The following SYNE2 variants were observed in gnomAD, a reference collection of about 807,000 sequenced individuals.
SYNE2 encodes the protein nesprin-2.
A neutral mutation model predicts 856.3 loss-of-function variants in SYNE2; 431 were observed. That is an observed-to-expected ratio of 0.50 (90% CI 0.47 to 0.55). The LOEUF is 0.55. Ranked by LOEUF, SYNE2 falls within the 20% of genes least tolerant of loss-of-function variation. The pLI, the probability that SYNE2 is intolerant of heterozygous loss-of-function variation, is 0.00. For synonymous variants in SYNE2, 2,923 were observed against 2,872.3 expected, an observed-to-expected ratio of 1.02 and a Z score of -0.56; for missense variants, 8,129 against 8,023.2, an observed-to-expected ratio of 1.01 and a Z score of -0.50.
rs149393421 is a variant in SYNE2 at position 64,053,940 on chromosome 14, G to A, written c.9744+283G>A. Among the ~76,000 whole-genome samples the A allele has an allele frequency of 5.5e-3, 835 of 152,290 alleles. 8 individuals carry two copies. The highest frequency in any genetic ancestry group is 0.019 in the African/African-American group (796 of 41,556). On this transcript the variant is annotated intron_variant, in intron 48 of 115. Coordinates refer to ENST00000555002, the MANE Select transcript of SYNE2 (RefSeq NM_182914.3). ...GTCAACATCCCGGCACTGCTCTCCA[G>A]CCTGGGTGACCAAGTGAGACTCTGT...
intron 2 of SYNE2, among the ~76,000 whole-genome samples, chr14:63,923,384 T>C (rs914083040): frequency 1.3e-5 from 2 of 152,218 alleles, no homozygotes; most frequent in African/African-American, 4.8e-5. Context: ...ATGCTGAGGC[T>C]CAAAGTAGAA....
chr14:64,111,598 A>G (rs1446409489), intron 65 of SYNE2, among the ~76,000 whole-genome samples: 5 of 152,158 alleles, frequency 3.3e-5, no homozygotes, highest in Admixed American at 3.3e-4. Flanking sequence ...CAGGAGTTCA[A>G]GACCAGCCTG....
At chr14:64,023,935 C>A (rs897888191) in intron 38 of SYNE2, 3 of 302,106 alleles carry the variant, frequency 9.9e-6, no homozygotes, top group Non-Finnish European at 1.9e-5. Flanking sequence ...AGATAAAATT[C>A]TTATTTGGGC....
intron 1 of SYNE2, among the ~76,000 whole-genome samples, chr14:63,781,001 G>A (rs1205699806): frequency 6.6e-6 from 1 of 152,118 alleles, no homozygotes. Flanking sequence ...TGGACACCAG[G>A]CACGGTGGCT....
At chr14:64,105,511 TC>T (rs1328787214) in intron 64 of SYNE2, among the ~76,000 whole-genome samples, 14 of 152,178 alleles carry the variant, frequency 9.2e-5, no homozygotes. Context: ...TAGGTTTTAT[TC>T]CCATTTTAAA....
At chr14:64,172,186 T>C (rs1015657712) in intron 94 of SYNE2, among the ~76,000 whole-genome samples, 2 of 152,154 alleles carry the variant, frequency 1.3e-5, no homozygotes, top group African/African-American at 4.8e-5. Context: ...CTGTTCCTGA[T>C]TGTAGGGGAG....
At position 64,113,427 on chromosome 14, in the gene SYNE2, G is replaced by A. The variant is rs568251040; in HGVS notation, c.12696G>A (p.Pro4232=). Residue 4232 remains proline (P), a synonymous_variant, in exon 66 of 116, where the codon CCG becomes CCA. Coordinates refer to ENST00000555002, the MANE Select transcript of SYNE2 (RefSeq NM_182914.3). Reference sequence around the variant, plus strand: ...AGCCCAGGGTGGAGAAAACTAGGCCGGAGCCCACAGAAGTCCTGCATGCCT... The same window carrying A: ...AGCCCAGGGTGGAGAAAACTAGGCCAGAGCCCACAGAAGTCCTGCATGCCT... ...GLEPRVEKTR[P]EPTEVLHACK... is the part of the protein sequence containing the mutation. 64 of 1,614,178 alleles carry A rather than the reference G, an allele frequency of 4.0e-5. No individual in the cohort carries two copies. In the South Asian group the frequency reaches 4.7e-4, roughly 12 times the overall value.
At chr14:63,975,586 G>A (rs1180246921) in intron 11 of SYNE2, among the ~76,000 whole-genome samples, 1 of 152,120 alleles carries the variant, frequency 6.6e-6, no homozygotes, top group African/African-American at 2.4e-5. Context: ...CGCCTGCCTT[G>A]GCTTCTTGAG....
intron 1 of SYNE2, among the ~76,000 whole-genome samples, chr14:63,859,601 G>A (rs1036401572): frequency 3.3e-5 from 5 of 152,172 alleles, no homozygotes; most frequent in South Asian, 4.1e-4. Context: ...GGCGGATCAC[G>A]AGGTCAAGAG....
In SYNE2 at chr14:64,122,302, C is replaced by T; in HGVS notation, c.13297C>T (p.Pro4433Ser). 1 of 1,614,142 alleles carries T rather than the reference C, an allele frequency of 6.2e-7. No individual in the cohort carries two copies. The highest frequency in any genetic ancestry group is 8.5e-7 in the Non-Finnish European group (1 of 1,180,020). The change falls in exon 70 of 116, where the codon CCT (proline) becomes TCT (serine). Residue 4433 changes from proline (P) to serine (S), a missense_variant. Physicochemically the swap from Pro to Ser is moderately conservative, Grantham distance 74. Coordinates refer to ENST00000555002, the MANE Select transcript of SYNE2 (RefSeq NM_182914.3). The stretch of plus-strand genomic sequence containing the variant: ...CTTCAAAAGCAACCAGGCATCCAGC[C>T]CTGAAAATGACGTTCCAGACTCGAT... ...ESSASNQASS[P>S]ENDVPDSILS... is the part of the protein sequence containing the mutation.
intron 78 of SYNE2, among the ~76,000 whole-genome samples, chr14:64,135,532 T>C (rs1332480260): frequency 6.6e-6 from 1 of 152,140 alleles, no homozygotes; most frequent in Non-Finnish European, 1.5e-5. Context: ...TTTAGCTCTT[T>C]GTTAGTCTAG....
intron 79 of SYNE2, among the ~76,000 whole-genome samples, chr14:64,138,912 T>TG (rs2098117171): frequency 2.1e-5 from 3 of 144,232 alleles, no homozygotes; most frequent in African/African-American, 5.3e-5. Flanking sequence ...CAAATGCTGG[T>TG]TGTGTGTGTG....
At chr14:63,911,433 C>T (rs187468985) in intron 2 of SYNE2, among the ~76,000 whole-genome samples, 28 of 152,256 alleles carry the variant, frequency 1.8e-4, no homozygotes, top group African/African-American at 5.8e-4. Flanking sequence ...CAGCAGGGGA[C>T]ATTTTGACTT....
chr14:64,123,907 T>A (rs1367989941), intron 70 of SYNE2, among the ~76,000 whole-genome samples: 2 of 150,940 alleles, frequency 1.3e-5, no homozygotes, highest in African/African-American at 4.9e-5. Flanking sequence ...TTTTTTTTTT[T>A]AAGAGACAGG....
chr14:64,022,694 TAA>T, intron 37 of SYNE2, 55 bp from the exon 38 acceptor site: 3 of 897,008 alleles, frequency 3.3e-6, no homozygotes, highest in Non-Finnish European at 5.5e-6. Flanking sequence ...TCTCTCACTT[TAA>T]CAAGATGTAT....
chr14:63,909,471 G>A (rs1340966846), intron 2 of SYNE2, among the ~76,000 whole-genome samples: 1 of 152,046 alleles, frequency 6.6e-6, no homozygotes, highest in East Asian at 1.9e-4. Context: ...CATTTTATTT[G>A]CAGTGAAAAT....
rs184241655 is a variant in SYNE2 at position 64,158,654 on chromosome 14, A to T, written c.15822A>T (p.Ser5274=). ...QVNQLKTSMQ[S]VLQEWKIYDQ... ...ATCAGCTCAAAACCTCCATGCAGTC[A>T]GTTTTACAGGAGTGGAAGATTTATG... Residue 5274 remains serine (S), a synonymous_variant, in exon 86 of 116, where the codon TCA becomes TCT. Transcript: ENST00000555002. 169 of 1,614,018 alleles carry T rather than the reference A, an allele frequency of 1.0e-4. No individual in the cohort carries two copies. In the Admixed American group the frequency reaches 2.7e-3, roughly 26 times the overall value.
rs794727765 is a variant in SYNE2 at position 64,078,589 on chromosome 14, G to C, written c.11146G>C (p.Ala3716Pro). The C allele has an allele frequency of 6.2e-7, 1 of 1,614,024 alleles. No homozygotes were observed. Among genetic ancestry groups the C allele is most frequent in the East Asian group, 2.2e-5 (1 of 44,874 alleles). ...LQQKSKNIEK[A>P]QEIQKKMWDE... ...GCAGAAAAGCAAAAATATTGAGAAA[G>C]CTCAAGAAATTCAAAAGGTAAAATC... The change falls in exon 55 of 116, where the codon GCT (alanine) becomes CCT (proline). Residue 3716 changes from alanine (A) to proline (P), a missense_variant. Ala to Pro is a conservative substitution (Grantham distance 27). Transcript: ENST00000555002.
chr14:64,215,354 G>T lies in SYNE2; in HGVS notation c.19402G>T (p.Gly6468Cys). 8 of 1,614,010 alleles carry T rather than the reference G, an allele frequency of 5.0e-6. No individual in the cohort carries two copies. Among genetic ancestry groups the T allele is most frequent in the Non-Finnish European group, 6.8e-6 (8 of 1,179,990 alleles). Residue 6468 changes from glycine to cysteine, a missense_variant and splice_region_variant, in exon 107 of 116, where the codon GGT becomes TGT. Gly to Cys is a radical substitution (Grantham distance 159). Coordinates refer to ENST00000555002, the MANE Select transcript of SYNE2 (RefSeq NM_182914.3). Reference protein sequence around the residue: ...MTTKTLKASSGKSISDGHSWH... With the variant: ...MTTKTLKASSCKSISDGHSWH... ...CACAAAAACTTTGAAAGCGTCTTCT[G>T]GTAGGCCCCCGCCCATGCATGTGTC...
Sources: allele counts gnomAD v4.1 joint callset (sites outside exome capture counted in the v4.1 genomes callset), GRCh38; gene constraint gnomAD v4.1.1; transcripts MANE v1.5; gene names NCBI Gene and HGNC (gene_info 2026-07-23, HGNC 2026-07-21).